ABCB11: variants seen among roughly 807,000 people sequenced by gnomAD.
The protein encoded by ABCB11 is bile salt export pump.
Under a neutral mutation model 148.0 loss-of-function variants are expected in ABCB11, and 95 were observed. The ratio of observed to expected loss-of-function variants is 0.64; its 90% CI spans 0.54 to 0.76. The LOEUF (loss-of-function observed/expected upper bound fraction) is 0.76, where lower values mean the gene tolerates loss of function less well. Ranked by LOEUF, ABCB11 falls within the 30% of genes least tolerant of loss-of-function variation. ABCB11 has a pLI of 0.00. For synonymous variants in ABCB11, 591 were observed against 555.4 expected, an observed-to-expected ratio of 1.06 and a Z score of -0.90; for missense variants, 1,523 against 1,617.8, an observed-to-expected ratio of 0.94 and a Z score of 1.01.
intron 1 of ABCB11, among the ~76,000 whole-genome samples, chr2:169,020,425 T>C (rs1695501145): frequency 6.6e-6 from 1 of 151,872 alleles, no homozygotes. Flanking sequence ...ACTAAGTATG[T>C]AGAAAATGTC....
chr2:168,960,260 C>T (rs533899982), intron 18 of ABCB11, among the ~76,000 whole-genome samples: 1 of 151,816 alleles, frequency 6.6e-6, no homozygotes, highest in Admixed American at 6.6e-5. Flanking sequence ...AACTCCAAGG[C>T]TCCTCTCACC....
chr2:168,949,067 G>C (rs570194921), intron 19 of ABCB11, among the ~76,000 whole-genome samples: 1 of 151,582 alleles, frequency 6.6e-6, no homozygotes, highest in Non-Finnish European at 1.5e-5. Flanking sequence ...CTGGGCCCTA[G>C]TCCTGGCCCC....
At chr2:168,936,481 T>C in intron 21 of ABCB11, 48 bp from the exon 22 acceptor site, 1 of 1,568,828 alleles carries the variant, frequency 6.4e-7, no homozygotes, top group Non-Finnish European at 8.8e-7. Flanking sequence ...CAGTCGCTTT[T>C]ACCAATTACC....
At chr2:169,027,823 G>A (rs897633998) in intron 1 of ABCB11, among the ~76,000 whole-genome samples, 5 of 152,114 alleles carry the variant, frequency 3.3e-5, no homozygotes, top group African/African-American at 1.2e-4. Context: ...ATGTCAGCCT[G>A]GAGCAACAGA....
chr2:168,958,828 G>T (rs1332556265), intron 18 of ABCB11, among the ~76,000 whole-genome samples: 1 of 151,422 alleles, frequency 6.6e-6, no homozygotes, highest in Non-Finnish European at 1.5e-5. Flanking sequence ...GTCTTTTTTG[G>T]CCATCGTTTT....
chr2:169,012,198 T>A (rs1695207515), intron 5 of ABCB11, among the ~76,000 whole-genome samples: 1 of 152,144 alleles, frequency 6.6e-6, no homozygotes, highest in Non-Finnish European at 1.5e-5. Flanking sequence ...GAGCCATTCC[T>A]AGTGTCTTTC....
chr2:168,936,197 T>C (rs981577588), intron 22 of ABCB11, 33 bp downstream of exon 22: 12 of 1,598,906 alleles, frequency 7.5e-6, no homozygotes, highest in Non-Finnish European at 1.0e-5. Context: ...CACTCAGCCA[T>C]GAGGAATGGG....
intron 5 of ABCB11, among the ~76,000 whole-genome samples, chr2:168,998,288 G>T (rs991310657): frequency 1.3e-5 from 2 of 152,022 alleles, no homozygotes; most frequent in African/African-American, 4.8e-5. Flanking sequence ...GTTAACAGAG[G>T]CTGGGAAGAG....
intron 1 of ABCB11, among the ~76,000 whole-genome samples, chr2:169,020,977 T>C (rs1253546016): frequency 1.3e-5 from 2 of 152,074 alleles, no homozygotes; most frequent in Non-Finnish European, 2.9e-5. Context: ...TTTTTTTTTT[T>C]TCTGAGACCA....
At chr2:169,001,207 T>C (rs1694860525) in intron 5 of ABCB11, among the ~76,000 whole-genome samples, 1 of 152,220 alleles carries the variant, frequency 6.6e-6, no homozygotes, top group Admixed American at 6.5e-5. Flanking sequence ...TTAGAGTTTC[T>C]ACCATAAAAC....
intron 6 of ABCB11, 50 bp downstream of exon 6, chr2:168,996,585 G>T: frequency 8.9e-7 from 1 of 1,121,810 alleles, no homozygotes. Context: ...TCATTGTAGT[G>T]TCTTTGAGGT....
At chr2:168,942,714 A>G (rs1219870443) in intron 21 of ABCB11, among the ~76,000 whole-genome samples, 1 of 151,790 alleles carries the variant, frequency 6.6e-6, no homozygotes, top group Admixed American at 6.6e-5. Flanking sequence ...AAAACCTCTC[A>G]TGTACCCCAT....
At chr2:168,975,203 T>A (rs1364950031) in intron 12 of ABCB11, among the ~76,000 whole-genome samples, 1 of 61,434 alleles carries the variant, frequency 1.6e-5, no homozygotes, top group East Asian at 6.0e-4. Flanking sequence ...TAATAAATAT[T>A]TTTATATTTA....
intron 5 of ABCB11, among the ~76,000 whole-genome samples, chr2:169,002,912 TA>T (rs1241162057): frequency 6.6e-6 from 1 of 152,212 alleles, no homozygotes; most frequent in Non-Finnish European, 1.5e-5. Flanking sequence ...AGTAGATTTT[TA>T]TTTTTTTTGT....
At chr2:168,976,402 T>C (rs1693904520) in intron 12 of ABCB11, among the ~76,000 whole-genome samples, 175 bp downstream of exon 12, 1 of 152,156 alleles carries the variant, frequency 6.6e-6, no homozygotes, top group Non-Finnish European at 1.5e-5. Context: ...CACAAAGGAA[T>C]GTGGTCTGTT....
rs531274007 is a variant in ABCB11 at position 168,923,962 on chromosome 2, A to G, written c.3766-140T>C. On this transcript the variant is annotated intron_variant, in intron 27 of 27. Coordinates refer to ENST00000650372, the MANE Select transcript of ABCB11 (RefSeq NM_003742.4). The stretch of plus-strand genomic sequence containing the variant: ...CAAAGGCTCAACATAAGAGAGGATT[A>G]AGCAAGTATTCCCTGAATGCAATGC... 3 of 744,480 alleles carry G rather than the reference A, an allele frequency of 4.0e-6. 1 individual carries two copies. In the South Asian group the frequency reaches 5.4e-5, roughly 13 times the overall value. 46.1% of individuals were successfully genotyped at this position (744,480 alleles called of 1,614,324 possible).
intron 13 of ABCB11, among the ~76,000 whole-genome samples, chr2:168,972,592 A>G (rs1411359716): frequency 6.6e-6 from 1 of 152,104 alleles, no homozygotes; most frequent in Non-Finnish European, 1.5e-5. Flanking sequence ...TATGATTTCT[A>G]TATATTCAGA....
chr2:168,973,632 G>A (rs1443998848), intron 13 of ABCB11, 83 bp downstream of exon 13: 3 of 1,521,738 alleles, frequency 2.0e-6, no homozygotes, highest in Non-Finnish European at 1.8e-6. Flanking sequence ...CTCAATGTAT[G>A]CTACACCTTT....
At chr2:168,977,396 T>G (rs1391138017) in intron 11 of ABCB11, among the ~76,000 whole-genome samples, 1 of 152,088 alleles carries the variant, frequency 6.6e-6, no homozygotes, top group Non-Finnish European at 1.5e-5. Flanking sequence ...TGATTAAAAC[T>G]GAGTGTTCCT....
Sources: allele counts gnomAD v4.1 joint callset (sites outside exome capture counted in the v4.1 genomes callset), GRCh38; gene constraint gnomAD v4.1.1; transcripts MANE v1.5; gene names NCBI Gene and HGNC (gene_info 2026-07-23, HGNC 2026-07-21).